Variants in ESPN observed in about 807,000 individuals in gnomAD.
ESPN encodes the protein autosomal recessive deafness type 36 protein.
Under a neutral mutation model 77.7 loss-of-function variants are expected in ESPN, and 68 were observed. The ratio of observed to expected loss-of-function variants is 0.87; its 90% CI spans 0.72 to 1.07. The LOEUF (loss-of-function observed/expected upper bound fraction) is 1.07, where lower values mean the gene tolerates loss of function less well. Among genes scored for constraint, ESPN ranks in the 50% least tolerant of loss-of-function variants. The pLI, the probability that ESPN is intolerant of heterozygous loss-of-function variation, is 0.00. For missense variants in ESPN, 1,060 were observed against 1,239.0 expected, an observed-to-expected ratio of 0.86 and a Z score of 2.17; for synonymous variants, 449 against 567.1, an observed-to-expected ratio of 0.79 and a Z score of 2.96.
intron 12 of ESPN, 125 bp downstream of exon 12, chr1:6,457,497 T>C: frequency 1.7e-6 from 2 of 1,150,884 alleles, no homozygotes; most frequent in Non-Finnish European, 2.6e-6. Context: ...ACAGCCTCCT[T>C]CCTCCCTATA....
chr1:6,425,356 G>A, intron 1 of ESPN, 107 bp downstream of exon 1: 1 of 1,366,368 alleles, frequency 7.3e-7, no homozygotes, highest in Non-Finnish European at 1.0e-6. Context: ...GCACCTCCTG[G>A]CCCAGCTGAA....
rs1360129152 is a variant in ESPN at position 6,449,021 on chromosome 1, G to A, written c.1845G>A (p.Pro615=). Residue 615 remains proline (P), a synonymous_variant, in exon 8 of 13, where the codon CCG becomes CCA. Transcript: ENST00000645284. ...PLPEAASSPP[P]APPLPLESAG... ...CGGAGGCCGCGAGTTCGCCACCGCC[G>A]GCCCCGCCTCTGCCCCTCGAGAGCG... The A allele has an allele frequency of 1.4e-6, 2 of 1,464,068 alleles. No individual in the cohort carries two copies. The highest frequency in any genetic ancestry group is 3.0e-5 in the East Asian group (1 of 33,648). 90.7% of individuals were successfully genotyped at this position (1,464,068 alleles called of 1,614,324 possible).
At chr1:6,444,758 G>A in intron 6 of ESPN, 76 bp downstream of exon 6, 1 of 1,555,572 alleles carries the variant, frequency 6.4e-7, no homozygotes. Context: ...GATTGGCCTT[G>A]GGCCGCCCTG....
Position 6,427,486 on chromosome 1 carries a change from G to A in ESPN, c.295-740G>A, listed in dbSNP as rs527529436. The stretch of plus-strand genomic sequence containing the variant: ...CCACCTGCTCTGAGGTCCCCGGGGG[G>A]AGTTTTGTCCAAGCCCTCCCAGAGG... On this transcript the variant is annotated intron_variant, in intron 1 of 12. Transcript: ENST00000645284. This position sits in a 1 kb window ranked among gnomAD's most constrained non-coding sequence, Gnocchi z 4.6. Among the ~76,000 whole-genome samples, 9 of 152,246 alleles carry A rather than the reference G, an allele frequency of 5.9e-5. No individual in the cohort carries two copies. In the Middle Eastern group the frequency reaches 0.01, roughly 173 times the overall value.
chr1:6,448,950 T>C lies in ESPN; in HGVS notation c.1774T>C (p.Ser592Pro). The change falls in exon 8 of 13, where the codon TCC becomes CCC. Residue 592 changes from serine (S) to proline (P), a missense_variant. Coordinates refer to ENST00000645284, the MANE Select transcript of ESPN (RefSeq NM_031475.3). ...PNGCAADPKA[S>P]RELPPPPPPP... Reference sequence around the variant, plus strand: ...CGGCTGCGCCGCGGACCCCAAGGCGTCCAGGGAGCTGCCACCGCCGCCCCC... The same window carrying C: ...CGGCTGCGCCGCGGACCCCAAGGCGCCCAGGGAGCTGCCACCGCCGCCCCC... The C allele has an allele frequency of 7.0e-7, 1 of 1,419,032 alleles. No homozygotes were observed. Among genetic ancestry groups the C allele is most frequent in the Non-Finnish European group, 9.2e-7 (1 of 1,092,076 alleles). The allele number at this position is 1,419,032 out of a possible 1,614,324, so 87.9% of individuals were successfully genotyped here. A position where few individuals can be genotyped will look rare whatever the true frequency, so the allele number is the denominator to read the frequency against.
At chr1:6,446,405 G>T (rs1371603079) in intron 7 of ESPN, among the ~76,000 whole-genome samples, 2 of 152,220 alleles carry the variant, frequency 1.3e-5, no homozygotes, top group Non-Finnish European at 2.9e-5. Flanking sequence ...GAGGGTGGGG[G>T]GAAGGTGAGC....
At position 6,445,675 on chromosome 1, in the gene ESPN, G is replaced by A. The variant is rs760762635; in HGVS notation, c.1204G>A (p.Ala402Thr). The change falls in exon 7 of 13, where the codon GCT becomes ACT. Residue 402 changes from alanine (A) to threonine (T), a missense_variant. Ala to Thr is a moderately conservative substitution (Grantham distance 58, BLOSUM62 0). Transcript: ENST00000645284. ...GQHPPCGLSS[A>T]RAADIQSYMD... ...TTCTGCCTCCCCAGGGCTTTCCAGC[G>A]CTAGAGCTGCAGACATACAGAGCTA... 2.6e-5 allele frequency: 42 copies of A among 1,612,478 alleles called. No homozygotes were observed. Among genetic ancestry groups the A allele is most frequent in the Admixed American group, 1.3e-4 (8 of 59,976 alleles).
intron 2 of ESPN, among the ~76,000 whole-genome samples, chr1:6,432,261 C>A (rs1208738968): frequency 6.6e-6 from 1 of 152,216 alleles, no homozygotes; most frequent in Non-Finnish European, 1.5e-5. Flanking sequence ...GGAGGCTGTG[C>A]CTGGGGTGGT....
chr1:6,455,787 C>T (rs1644044523), intron 10 of ESPN: 3 of 398,852 alleles, frequency 7.5e-6, no homozygotes, highest in Non-Finnish European at 8.9e-6. Context: ...CCGCGTGGTG[C>T]TGGAGGAGGT....
intron 2 of ESPN, among the ~76,000 whole-genome samples, chr1:6,435,732 C>T (rs561980347): frequency 1.3e-5 from 2 of 152,294 alleles, no homozygotes; most frequent in Admixed American, 6.5e-5. Context: ...CCAGCCTGGC[C>T]CATACTTGGC....
intron 10 of ESPN, chr1:6,455,367 C>T (rs1284041354): frequency 5.2e-6 from 2 of 385,010 alleles, no homozygotes; most frequent in African/African-American, 2.1e-5. Context: ...CGGACTGCTG[C>T]CCCGCGTGGC....
At chr1:6,455,520 C>G (rs1046743212) in intron 10 of ESPN, 1 of 398,054 alleles carries the variant, frequency 2.5e-6, no homozygotes, top group Admixed American at 4.4e-5. Flanking sequence ...GGGCCACTGG[C>G]GGAGCCTGCT....
Position 6,460,095 on chromosome 1 carries a change from G to T in ESPN, c.2514G>T (p.Ala838=), listed in dbSNP as rs745650102. ...RTLGYDESKL[A]PWQRQVILKK... is the part of the protein sequence containing the mutation. The stretch of plus-strand genomic sequence containing the variant: ...TGGGCTACGATGAGAGCAAGCTGGC[G>T]CCCTGGCAGCGACAGGTCATCCTGA... The change falls in exon 13 of 13, where the codon GCG becomes GCT. Residue 838 remains alanine (A), a synonymous_variant. Coordinates refer to ENST00000645284, the MANE Select transcript of ESPN (RefSeq NM_031475.3). 2.5e-6 allele frequency: 4 copies of T among 1,613,286 alleles called. No individual in the cohort carries two copies. The highest frequency in any genetic ancestry group is 2.7e-5 in the African/African-American group (2 of 75,042).
chr1:6,425,091 G>C lies in ESPN; in HGVS notation c.136G>C (p.Ala46Pro). The C allele has an allele frequency of 4.7e-6, 7 of 1,491,304 alleles. No homozygotes were observed. Among genetic ancestry groups the C allele is most frequent in the Non-Finnish European group, 5.3e-6 (6 of 1,128,766 alleles). The allele number at this position is 1,491,304 out of a possible 1,614,324, so 92.4% of individuals were successfully genotyped here. ...GCTGCCCGTGCACCACGCGGCCCGC[G>C]CTGGGAAGCTGCACTGTCTGCGCTT... ...DALPVHHAAR[A>P]GKLHCLRFLV... Residue 46 changes from alanine (A) to proline (P), a missense_variant, in exon 1 of 13, where the codon GCT becomes CCT. Ala to Pro is a conservative substitution (Grantham distance 27, BLOSUM62 -1). Transcript: ENST00000645284.
In ESPN at chr1:6,427,702, C is replaced by T. The variant is rs1205906878; in HGVS notation, c.295-524C>T. On this transcript the variant is annotated intron_variant, in intron 1 of 12. Coordinates refer to ENST00000645284, the MANE Select transcript of ESPN (RefSeq NM_031475.3). This position sits in a 1 kb window ranked among gnomAD's most constrained non-coding sequence, Gnocchi z 4.6. ...CCTGGAGGCGTACCAAGGTGGAGGT[C>T]TCTGTTCCCACGTGACACCGAGGAA... 3.9e-5 allele frequency among the ~76,000 whole-genome samples: 6 copies of T among 152,212 alleles called. 1 individual carries two copies. The highest frequency in any genetic ancestry group is 2.0e-4 in the Admixed American group (3 of 15,292).
chr1:6,458,696 T>G (rs1481177241), intron 12 of ESPN, among the ~76,000 whole-genome samples: 52 of 143,574 alleles, frequency 3.6e-4, no homozygotes, highest in South Asian at 9.0e-4. Context: ...TTTGGGAGGC[T>G]GAAGCGGGTG....
rs2148498334 is a variant in ESPN, at chr1:6,424,856, C to T, written c.-100C>T. 1.7e-6 allele frequency: 2 copies of T among 1,186,956 alleles called. No homozygotes were observed. The highest frequency in any genetic ancestry group is 2.1e-6 in the Non-Finnish European group (2 of 933,526). The allele number at this position is 1,186,956 out of a possible 1,614,324, so 73.5% of individuals were successfully genotyped here. A position where few individuals can be genotyped will look rare whatever the true frequency, so the allele number is the denominator to read the frequency against. On this transcript the variant is annotated 5_prime_UTR_variant, in exon 1 of 13. Transcript: ENST00000645284. ...CGCTCCGCCTCCCGGCCCGCAGATC[C>T]CCGACGGCCGCACCGCGGGCTCCTC... is the stretch of plus-strand genomic sequence containing the variant.
chr1:6,437,581 T>C lies in ESPN; in HGVS notation c.489-2673T>C, dbSNP rs771254496. 7.2e-5 allele frequency: 11 copies of C among 152,236 alleles called. No homozygotes were observed. Among genetic ancestry groups the C allele is most frequent in the Non-Finnish European group, 1.3e-4 (9 of 68,074 alleles). The allele number at this position is 152,236 out of a possible 1,614,324, so 9.4% of individuals were successfully genotyped here. The stretch of plus-strand genomic sequence containing the variant: ...CCACGAGCCAGCATGTTTCTGAAGA[T>C]AGATACGTAGCTGTGTCTTCTGTCT... On this transcript the variant is annotated intron_variant, in intron 2 of 12. Transcript: ENST00000645284. The surrounding 1 kb of genome is among the most constrained non-coding windows in gnomAD (Gnocchi z 4.5).
intron 2 of ESPN, among the ~76,000 whole-genome samples, chr1:6,431,823 A>G (rs1408036835): frequency 6.6e-6 from 1 of 152,184 alleles, no homozygotes; most frequent in East Asian, 1.9e-4. Context: ...GACTCATTCA[A>G]CTAATGTTTA....
Sources: gnomAD v4.1 joint callset for allele counts (sites outside exome capture counted in the v4.1 genomes callset) on GRCh38, gnomAD v4.1.1 for gene constraint, Gnocchi (gnomAD v3.1) non-coding constraint, MANE v1.5 for transcripts, NCBI Gene and HGNC (gene_info 2026-07-23, HGNC 2026-07-21) for gene names.